The following CDH4 variants were observed in gnomAD, a reference collection of about 807,000 sequenced individuals.
The protein encoded by CDH4 is cadherin 4.
Under a neutral mutation model 86.0 loss-of-function variants are expected in CDH4, and 33 were observed. The observed-to-expected ratio is 0.38, with a 90% CI of 0.29 to 0.51. CDH4 has a LOEUF of 0.51. Ranked by LOEUF, CDH4 falls within the 20% of genes least tolerant of loss-of-function variation. CDH4 has a pLI of 0.86. For synonymous variants in CDH4, 555 were observed against 549.4 expected, an observed-to-expected ratio of 1.01 and a Z score of -0.14; for missense variants, 1,114 against 1,307.4, an observed-to-expected ratio of 0.85 and a Z score of 2.28.
intron 2 of CDH4, among the ~76,000 whole-genome samples, chr20:61,413,634 A>C (rs534536689): frequency 6.6e-6 from 1 of 152,208 alleles, no homozygotes; most frequent in East Asian, 1.9e-4. Context: ...CTGCCTGGCC[A>C]TGGCCTGGCG....
intron 2 of CDH4, among the ~76,000 whole-genome samples, chr20:61,575,015 C>A (rs960584215): frequency 6.6e-6 from 1 of 152,200 alleles, no homozygotes. Flanking sequence ...TGGGAAGGTG[C>A]GGCACAGGGT....
Position 61,269,360 on chromosome 20 carries a change from C to T in CDH4, c.169+14423C>T, listed in dbSNP as rs997533474. Among the ~76,000 whole-genome samples, 2 of 152,136 alleles carry T rather than the reference C, an allele frequency of 1.3e-5. No individual in the cohort carries two copies. Among genetic ancestry groups the T allele is most frequent in the Non-Finnish European group, 2.9e-5 (2 of 68,034 alleles). ...CCTTGGAACCAGCCCCCCATGGAGA[C>T]CTGGTATACCCCGTTGCCTGGAGAG... On this transcript the variant is annotated intron_variant, in intron 2 of 15. Transcript: ENST00000614565. The surrounding 1 kb of genome is among the most constrained non-coding windows in gnomAD (Gnocchi z 5.3).
chr20:61,660,089 C>T (rs189109221), intron 2 of CDH4, among the ~76,000 whole-genome samples: 204 of 152,314 alleles, frequency 1.3e-3, no homozygotes, highest in Middle Eastern at 3.4e-3. Flanking sequence ...TCTTCCACCC[C>T]GGAGCTAAGG....
intron 2 of CDH4, among the ~76,000 whole-genome samples, chr20:61,583,151 G>A (rs2086442223): frequency 6.6e-5 from 2 of 30,300 alleles, no homozygotes; most frequent in South Asian, 2.5e-3. Context: ...AGGGCTCTGC[G>A]GAGGGACAGA....
chr20:61,784,605 CCGA>C lies in CDH4; in HGVS notation c.576+11424_576+11426del, dbSNP rs1206494701. 8.7e-4 allele frequency among the ~76,000 whole-genome samples: 69 copies of C among 79,684 alleles called. 7 individuals are homozygous for C. Among genetic ancestry groups the C allele is most frequent in the African/African-American group, 3.6e-3 (66 of 18,170 alleles). The allele number at this position is 79,684 out of a possible 152,430, so 52.3% of individuals were successfully genotyped here. ...TCCTCGGGACAGTTCTCCAGGCCCT[CCGA>C]TATCCTGTGCCCCCAGGAGAATGTA... On this transcript the variant is annotated intron_variant, in intron 4 of 15. Coordinates refer to ENST00000614565, the MANE Select transcript of CDH4 (RefSeq NM_001794.5).
At chr20:61,413,108 C>T (rs2085128133) in intron 2 of CDH4, among the ~76,000 whole-genome samples, 1 of 152,102 alleles carries the variant, frequency 6.6e-6, no homozygotes, top group African/African-American at 2.4e-5. Context: ...GGTTTTAAAT[C>T]ATCCTTCATG....
intron 2 of CDH4, among the ~76,000 whole-genome samples, chr20:61,626,834 G>A (rs890113384): frequency 6.6e-6 from 1 of 152,204 alleles, no homozygotes; most frequent in Non-Finnish European, 1.5e-5. Context: ...CGCTCGAAGG[G>A]TCAGAAGCAC....
intron 2 of CDH4, among the ~76,000 whole-genome samples, chr20:61,497,478 G>A (rs1184289544): frequency 2.0e-5 from 3 of 152,084 alleles, no homozygotes; most frequent in Non-Finnish European, 2.9e-5. Flanking sequence ...AAAGAAAAAC[G>A]AAAAAATGCA....
chr20:61,411,412 G>C (rs1600952428), intron 2 of CDH4, among the ~76,000 whole-genome samples: 1 of 150,456 alleles, frequency 6.6e-6, no homozygotes, highest in Non-Finnish European at 1.5e-5. Flanking sequence ...TTGATGTAAA[G>C]ACTGTGCCTA....
rs549047479 is a variant in CDH4 at position 61,902,951 on chromosome 20, C to A, written c.1189-7471C>A. Reference sequence around the variant, plus strand: ...GGAGGATCACTTGAGCCCAGGAGTTCGAGGCTGCAGTGAGGTGTGATCATG... The same window carrying A: ...GGAGGATCACTTGAGCCCAGGAGTTAGAGGCTGCAGTGAGGTGTGATCATG... On this transcript the variant is annotated intron_variant, in intron 8 of 15. Coordinates refer to ENST00000614565, the MANE Select transcript of CDH4 (RefSeq NM_001794.5). The surrounding 1 kb of genome is among the most constrained non-coding windows in gnomAD (Gnocchi z 4.6). Among the ~76,000 whole-genome samples the A allele has an allele frequency of 3.0e-4, 41 of 136,146 alleles. No individual in the cohort carries two copies. In the South Asian group the frequency reaches 9.3e-3, roughly 31 times the overall value. 89.3% of individuals were successfully genotyped at this position (136,146 alleles called of 152,430 possible). A position where few individuals can be genotyped will look rare whatever the true frequency, so the allele number is the denominator to read the frequency against.
At chr20:61,818,061 G>A (rs1010908927) in intron 4 of CDH4, among the ~76,000 whole-genome samples, 27 of 150,926 alleles carry the variant, frequency 1.8e-4, no homozygotes, top group African/African-American at 6.4e-4. Flanking sequence ...ACGGAGTCTC[G>A]CTCTGTCACC....
At chr20:61,815,785 C>A (rs1263065718) in intron 4 of CDH4, among the ~76,000 whole-genome samples, 1 of 152,158 alleles carries the variant, frequency 6.6e-6, no homozygotes, top group Non-Finnish European at 1.5e-5. Flanking sequence ...AACTGTTAAT[C>A]CTAGATTATC....
chr20:61,537,315 C>T (rs1402792350), intron 2 of CDH4, among the ~76,000 whole-genome samples: 1 of 152,162 alleles, frequency 6.6e-6, no homozygotes, highest in Non-Finnish European at 1.5e-5. Flanking sequence ...CAATTTTTCT[C>T]TCCTCAGTAG....
chr20:61,256,652 C>T (rs907283532), intron 2 of CDH4, among the ~76,000 whole-genome samples: 1 of 152,158 alleles, frequency 6.6e-6, no homozygotes, highest in Admixed American at 6.5e-5. Flanking sequence ...TGAATCTGGA[C>T]CAGCTCAGAC....
intron 4 of CDH4, among the ~76,000 whole-genome samples, chr20:61,842,976 G>T (rs1037224881): frequency 2.0e-5 from 3 of 152,126 alleles, no homozygotes; most frequent in Admixed American, 1.3e-4. Context: ...AAATAACTTT[G>T]GTTCCTGTTG....
chr20:61,536,132 G>GGCC (rs2085995603), intron 2 of CDH4, among the ~76,000 whole-genome samples: 1 of 152,218 alleles, frequency 6.6e-6, no homozygotes, highest in Non-Finnish European at 1.5e-5. Flanking sequence ...AACCCGGCCA[G>GGCC]GCCAGCCAGG....
intron 2 of CDH4, among the ~76,000 whole-genome samples, chr20:61,375,616 A>T (rs201862887): frequency 1.1e-5 from 1 of 87,914 alleles, no homozygotes; most frequent in Non-Finnish European, 2.2e-5. Context: ...ACTGGTGGTG[A>T]TGGTATGGTT....
chr20:61,505,637 G>A (rs534969943), intron 2 of CDH4, among the ~76,000 whole-genome samples: 2 of 151,910 alleles, frequency 1.3e-5, no homozygotes, highest in African/African-American at 4.8e-5. Flanking sequence ...CATGGTCATG[G>A]CCGTTTTTAT....
intron 2 of CDH4, among the ~76,000 whole-genome samples, chr20:61,491,152 C>A (rs1327071348): frequency 2.0e-5 from 3 of 152,144 alleles, no homozygotes; most frequent in African/African-American, 7.2e-5. Context: ...TGTTTTCTTT[C>A]TTATGTTGGG....
Sources: gnomAD v4.1 joint callset for allele counts (sites outside exome capture counted in the v4.1 genomes callset) on GRCh38, gnomAD v4.1.1 for gene constraint, Gnocchi (gnomAD v3.1) non-coding constraint, MANE v1.5 for transcripts, NCBI Gene and HGNC (gene_info 2026-07-23, HGNC 2026-07-21) for gene names.